The following DDAH1 variants were observed in gnomAD, a reference collection of about 807,000 sequenced individuals.
The protein encoded by DDAH1 is N(G),N(G)-dimethylarginine dimethylaminohydrolase 1.
A neutral mutation model predicts 28.8 loss-of-function variants in DDAH1; 19 were observed. The observed-to-expected ratio is 0.66, with a 90% CI of 0.46 to 0.97. The LOEUF is 0.97. DDAH1 is among the 50% of genes least tolerant of loss of function. The pLI is 0.00. For missense variants in DDAH1, 326 were observed against 375.9 expected, an observed-to-expected ratio of 0.87 and a Z score of 1.10; for synonymous variants, 153 against 154.4, an observed-to-expected ratio of 0.99 and a Z score of 0.07.
chr1:85,458,591 A>T (rs556986246), intron 1 of DDAH1, among the ~76,000 whole-genome samples: 2 of 151,970 alleles, frequency 1.3e-5, no homozygotes, highest in Non-Finnish European at 2.9e-5. Flanking sequence ...ACACATTTTA[A>T]AATGGGATTT....
intron 3 of DDAH1, among the ~76,000 whole-genome samples, chr1:85,351,037 AAC>A (rs1370112306): frequency 6.6e-6 from 1 of 152,078 alleles, no homozygotes; most frequent in Non-Finnish European, 1.5e-5. Flanking sequence ...TGTATTTCAT[AAC>A]AGAGTCAATT....
intron 1 of DDAH1, among the ~76,000 whole-genome samples, chr1:85,555,793 A>T (rs1024559085): frequency 1.3e-5 from 2 of 152,212 alleles, no homozygotes; most frequent in Admixed American, 1.3e-4. Flanking sequence ...TCCAGAAAAA[A>T]GCTGAAATTG....
chr1:85,376,125 C>T (rs180838311), intron 1 of DDAH1, among the ~76,000 whole-genome samples: 39 of 152,180 alleles, frequency 2.6e-4, no homozygotes, highest in African/African-American at 8.7e-4. Context: ...CTTAAGTTTG[C>T]CTCTCAAAGC....
intron 1 of DDAH1, among the ~76,000 whole-genome samples, chr1:85,524,710 G>T (rs1657804676): frequency 6.6e-6 from 1 of 151,832 alleles, no homozygotes; most frequent in Non-Finnish European, 1.5e-5. Context: ...CACTCTCTGG[G>T]ATCCTGTTTC....
At chr1:85,420,998 G>A (rs12064909) in intron 1 of DDAH1, among the ~76,000 whole-genome samples, 14,544 of 152,120 alleles carry the variant, frequency 0.096, 745 homozygotes, top group Middle Eastern at 0.14. Context: ...AAGGTGAAGC[G>A]GGAACTGGTG....
chr1:85,322,895 T>G lies in DDAH1; in HGVS notation c.742-1327A>C, dbSNP rs552864953. On this transcript the variant is annotated intron_variant, in intron 5 of 5. Transcript: ENST00000284031. ...GAGGGATGAATGATTCAGACCTGTA[T>G]TTCTCAAAGTGAGTTCTGTGACTGG... Among the ~76,000 whole-genome samples the G allele has an allele frequency of 3.9e-5, 6 of 152,336 alleles. No individual in the cohort carries two copies. The South Asian group carries it at 1.2e-3, about 32-fold the overall frequency.
intron 1 of DDAH1, among the ~76,000 whole-genome samples, chr1:85,496,608 A>G (rs1656603741): frequency 6.6e-6 from 1 of 152,222 alleles, no homozygotes; most frequent in African/African-American, 2.4e-5. Context: ...ATAAGAGGAA[A>G]ACAAATCTTT....
At chr1:85,437,917 G>A (rs912552938) in intron 1 of DDAH1, among the ~76,000 whole-genome samples, 4 of 152,022 alleles carry the variant, frequency 2.6e-5, no homozygotes, top group Admixed American at 2.0e-4. Context: ...GCAAAGACAC[G>A]GAATCAACCC....
intron 1 of DDAH1, among the ~76,000 whole-genome samples, chr1:85,458,429 T>TTA (rs1368385688): frequency 6.8e-6 from 1 of 147,742 alleles, no homozygotes; most frequent in Non-Finnish European, 1.5e-5. Context: ...ACACACTTTT[T>TTA]TTTTTTTTTT....
In DDAH1 at chr1:85,520,888, T is replaced by C. The variant is rs1324547076; in HGVS notation, c.-122-24607A>G. On this transcript the variant is annotated intron_variant, in intron 1 of 6. Coordinates refer to the DDAH1 transcript ENST00000426972. ...TAGATTAACCACACTAATCAACTTC[T>C]TCCTTATACATTCGCTGGCTCCACA... is the stretch of plus-strand genomic sequence containing the variant. 1.3e-5 allele frequency among the ~76,000 whole-genome samples: 2 copies of C among 152,212 alleles called. 1 individual carries two copies. The highest frequency in any genetic ancestry group is 6.3e-3 in the Middle Eastern group (2 of 316).
At chr1:85,422,615 G>A (rs1369248680) in intron 1 of DDAH1, among the ~76,000 whole-genome samples, 3 of 152,022 alleles carry the variant, frequency 2.0e-5, no homozygotes, top group African/African-American at 7.2e-5. Context: ...TTTTTCTTAT[G>A]GACATCCTAT....
chr1:85,356,697 A>T (rs1649504986), intron 2 of DDAH1, among the ~76,000 whole-genome samples: 1 of 152,248 alleles, frequency 6.6e-6, no homozygotes, highest in Non-Finnish European at 1.5e-5. Flanking sequence ...CTATTAACAC[A>T]TTAACTTAAG....
intron 1 of DDAH1, among the ~76,000 whole-genome samples, chr1:85,541,671 G>A (rs1019057809): frequency 3.9e-5 from 6 of 152,162 alleles, no homozygotes; most frequent in African/African-American, 9.7e-5. Context: ...TTGTGTCCCC[G>A]TAGAATTCAT....
chr1:85,359,903 G>A (rs1399110090), intron 1 of DDAH1, among the ~76,000 whole-genome samples: 1 of 152,174 alleles, frequency 6.6e-6, no homozygotes, highest in African/African-American at 2.4e-5. Flanking sequence ...ACAAATTGAA[G>A]CTCACAATTT....
At chr1:85,439,002 G>A (rs925856088) in intron 1 of DDAH1, among the ~76,000 whole-genome samples, 2 of 152,188 alleles carry the variant, frequency 1.3e-5, no homozygotes, top group Non-Finnish European at 1.5e-5. Flanking sequence ...TCTTAGTCAC[G>A]GTATTTAACT....
At chr1:85,351,084 C>T (rs1313961571) in intron 3 of DDAH1, among the ~76,000 whole-genome samples, 3 of 135,302 alleles carry the variant, frequency 2.2e-5, no homozygotes, top group Non-Finnish European at 4.7e-5. Context: ...TTTTTAGAAA[C>T]AGGGTCTCAC....
intron 1 of DDAH1, among the ~76,000 whole-genome samples, chr1:85,375,783 G>A (rs951957756): frequency 3.3e-5 from 5 of 151,974 alleles, no homozygotes; most frequent in African/African-American, 2.4e-5. Flanking sequence ...AGGAGATCAT[G>A]GAAAAAGAAA....
At chr1:85,354,501 G>A (rs184316731) in intron 2 of DDAH1, among the ~76,000 whole-genome samples, 5 of 146,574 alleles carry the variant, frequency 3.4e-5, no homozygotes, top group Admixed American at 6.9e-5. Context: ...GCATTTACTC[G>A]CTGCAACCCT....
chr1:85,333,070 G>A (rs919706467), intron 4 of DDAH1, among the ~76,000 whole-genome samples: 17 of 152,270 alleles, frequency 1.1e-4, no homozygotes, highest in East Asian at 7.7e-4. Context: ...ATGCCACCCC[G>A]GGACCCAAGA....
Sources: gnomAD v4.1 joint callset for allele counts (sites outside exome capture counted in the v4.1 genomes callset) on GRCh38, gnomAD v4.1.1 for gene constraint, MANE v1.5 for transcripts, NCBI Gene and HGNC (gene_info 2026-07-23, HGNC 2026-07-21) for gene names.